SYT9: variants seen among roughly 807,000 people sequenced by gnomAD.
The protein encoded by SYT9 is synaptotagmin-9.
SYT9 carries 22 observed loss-of-function variants against 48.4 expected under a neutral mutation model. The observed-to-expected ratio is 0.45, with a 90% CI of 0.32 to 0.65. The LOEUF is 0.65. Ranked by LOEUF, SYT9 falls within the 30% of genes least tolerant of loss-of-function variation. SYT9 has a pLI of 0.03. For synonymous variants in SYT9, 265 were observed against 245.0 expected, an observed-to-expected ratio of 1.08 and a Z score of -0.76; for missense variants, 577 against 622.0, an observed-to-expected ratio of 0.93 and a Z score of 0.77.
intron 3 of SYT9, among the ~76,000 whole-genome samples, chr11:7,362,038 A>C (rs1372936803): frequency 6.6e-6 from 1 of 152,132 alleles, no homozygotes; most frequent in Non-Finnish European, 1.5e-5. Context: ...ATCAGGAAAT[A>C]ATTACATCAG....
At chr11:7,423,659 G>T (rs1217841447) in intron 6 of SYT9, among the ~76,000 whole-genome samples, 1 of 152,188 alleles carries the variant, frequency 6.6e-6, no homozygotes, top group Non-Finnish European at 1.5e-5. Flanking sequence ...AGGGGCTGCT[G>T]TGTGTCCTTA....
At chr11:7,291,138 T>TA (rs1405800236) in intron 1 of SYT9, among the ~76,000 whole-genome samples, 1 of 152,200 alleles carries the variant, frequency 6.6e-6, no homozygotes, top group Non-Finnish European at 1.5e-5. Context: ...AATATCCCTC[T>TA]AGGGCCTCCT....
At chr11:7,415,418 G>T (rs1212932086) in intron 3 of SYT9, among the ~76,000 whole-genome samples, 1 of 152,168 alleles carries the variant, frequency 6.6e-6, no homozygotes, top group African/African-American at 2.4e-5. Flanking sequence ...GAGCTCTGTG[G>T]CATGGGGATC....
At chr11:7,390,200 G>A (rs147543762) in intron 3 of SYT9, among the ~76,000 whole-genome samples, 319 of 152,164 alleles carry the variant, frequency 2.1e-3, no homozygotes, top group Middle Eastern at 6.8e-3. Flanking sequence ...TGTTCTCATT[G>A]TTCAACTCCC....
chr11:7,240,694 C>T (rs1366959454), intron 1 of SYT9, among the ~76,000 whole-genome samples: 3 of 152,106 alleles, frequency 2.0e-5, no homozygotes, highest in Non-Finnish European at 2.9e-5. Context: ...ATATAATGAG[C>T]TTTTTTATAT....
At chr11:7,430,287 T>A (rs530994277) in intron 6 of SYT9, among the ~76,000 whole-genome samples, 1 of 152,250 alleles carries the variant, frequency 6.6e-6, no homozygotes, top group African/African-American at 2.4e-5. Context: ...ATGCTTGAAA[T>A]AAAGAAAAGA....
chr11:7,432,343 T>C (rs1002096020), intron 6 of SYT9, among the ~76,000 whole-genome samples: 1 of 151,704 alleles, frequency 6.6e-6, no homozygotes, highest in Non-Finnish European at 1.5e-5. Flanking sequence ...GGTCAGGAGT[T>C]CGAGACCAGC....
intron 6 of SYT9, among the ~76,000 whole-genome samples, chr11:7,426,945 A>G (rs1274028597): frequency 1.3e-5 from 2 of 152,224 alleles, no homozygotes; most frequent in African/African-American, 4.8e-5. Flanking sequence ...TACTTATTTC[A>G]TAGGAGACTA....
chr11:7,376,205 A>T (rs1394798826), intron 3 of SYT9, among the ~76,000 whole-genome samples: 2 of 152,078 alleles, frequency 1.3e-5, no homozygotes, highest in African/African-American at 2.4e-5. Context: ...TTCAACAAAT[A>T]TATTTAATAA....
intron 1 of SYT9, among the ~76,000 whole-genome samples, chr11:7,283,392 C>T (rs1385030795): frequency 1.3e-5 from 2 of 151,826 alleles, no homozygotes; most frequent in African/African-American, 2.4e-5. Context: ...CAGATTGCTC[C>T]ACAAATATTT....
intron 3 of SYT9, among the ~76,000 whole-genome samples, chr11:7,411,543 T>C (rs1847136386): frequency 6.6e-6 from 1 of 152,204 alleles, no homozygotes; most frequent in Admixed American, 6.5e-5. Flanking sequence ...ACTTTGAATA[T>C]GTCTCTCTTG....
At chr11:7,393,969 T>C (rs1846692697) in intron 3 of SYT9, among the ~76,000 whole-genome samples, 1 of 152,048 alleles carries the variant, frequency 6.6e-6, no homozygotes, top group Admixed American at 6.6e-5. Context: ...TCTTTTTTTT[T>C]TTTTAATATA....
At chr11:7,439,391 A>G (rs1405148800) in intron 6 of SYT9, 2 of 152,246 alleles carry the variant, frequency 1.3e-5, no homozygotes, top group East Asian at 1.9e-4. Flanking sequence ...AGGAGGGAGG[A>G]GCGTGTCTAA....
At chr11:7,244,342 C>T (rs1037489164) in intron 1 of SYT9, among the ~76,000 whole-genome samples, 4 of 152,134 alleles carry the variant, frequency 2.6e-5, no homozygotes, top group Non-Finnish European at 5.9e-5. Context: ...AATGGTGCAA[C>T]GATAACACAC....
At chr11:7,256,003 C>T (rs994232046) in intron 1 of SYT9, among the ~76,000 whole-genome samples, 1 of 152,080 alleles carries the variant, frequency 6.6e-6, no homozygotes, top group African/African-American at 2.4e-5. Context: ...AATTTCTACC[C>T]ATGGATCTTG....
intron 1 of SYT9, among the ~76,000 whole-genome samples, chr11:7,239,597 C>A (rs554712865): frequency 1.3e-5 from 2 of 152,246 alleles, no homozygotes; most frequent in Non-Finnish European, 2.9e-5. Flanking sequence ...AAATATAGGG[C>A]TTTTCTGTAG....
chr11:7,354,644 G>A (rs1849982494), intron 3 of SYT9, among the ~76,000 whole-genome samples: 1 of 152,090 alleles, frequency 6.6e-6, no homozygotes, highest in African/African-American at 2.4e-5. Flanking sequence ...TTCCCATGCT[G>A]TCTGCTGATT....
chr11:7,351,993 C>A (rs965433081), intron 3 of SYT9, among the ~76,000 whole-genome samples: 3 of 152,116 alleles, frequency 2.0e-5, no homozygotes, highest in Non-Finnish European at 2.9e-5. Context: ...ACAGAGGGAC[C>A]AACAGACCTT....
chr11:7,354,072 A>G (rs1849970849), intron 3 of SYT9, among the ~76,000 whole-genome samples: 1 of 152,224 alleles, frequency 6.6e-6, no homozygotes, highest in Non-Finnish European at 1.5e-5. Context: ...ATTTCAAATA[A>G]TGATTTGATT....
Sources: gnomAD v4.1 joint callset for allele counts (sites outside exome capture counted in the v4.1 genomes callset) on GRCh38, gnomAD v4.1.1 for gene constraint, MANE v1.5 for transcripts, NCBI Gene and HGNC (gene_info 2026-07-23, HGNC 2026-07-21) for gene names.